The following ERC1 variants were observed in gnomAD, a reference collection of about 807,000 sequenced individuals.
ERC1 encodes RAB6 interacting protein 2.
In ERC1, 56 loss-of-function variants were observed where a neutral mutation model predicts 132.0. The observed-to-expected ratio is 0.42, with a 90% CI of 0.34 to 0.53. The LOEUF is 0.53. Ranked by LOEUF, ERC1 falls within the 20% of genes least tolerant of loss-of-function variation. ERC1 has a pLI of 0.03. For missense variants in ERC1, 1,202 were observed against 1,349.9 expected (o/e 0.89, Z 1.72); for synonymous variants, 478 against 476.1 (o/e 1.00, Z -0.05).
rs35505633 is a variant in ERC1 at position 1,460,958 on chromosome 12, C to CTTTTTTTTTTTTTT, written c.3213+16218_3213+16231dup. The stretch of plus-strand genomic sequence containing the variant: ...GACTTGCCTAAACGATGAGGAGGCC[C>CTTTTTTTTTTTTTT]TTTTTTTTTTTTTTTTTTTTTTTCA... On this transcript the variant is annotated intron_variant, in intron 18 of 18. Transcript: ENST00000360905. Among the ~76,000 whole-genome samples, 302 of 64,956 alleles carry CTTTTTTTTTTTTTT rather than the reference C, an allele frequency of 4.6e-3. 2 individuals carry two copies. Among genetic ancestry groups the CTTTTTTTTTTTTTT allele is most frequent in the Middle Eastern group, 0.019 (1 of 52 alleles). 42.6% of individuals were successfully genotyped at this position (64,956 alleles called of 152,430 possible).
chr12:999,446 C>A (rs929386783), intron 1 of ERC1, among the ~76,000 whole-genome samples: 7 of 152,086 alleles, frequency 4.6e-5, no homozygotes, highest in African/African-American at 1.4e-4. Flanking sequence ...GTGCTTAAGC[C>A]GGAAATGTGT....
intron 18 of ERC1, among the ~76,000 whole-genome samples, chr12:1,457,124 A>G (rs1404402176): frequency 6.6e-6 from 1 of 152,184 alleles, no homozygotes. Flanking sequence ...GTACAGTCAC[A>G]TGCTGTACAG....
intron 17 of ERC1, among the ~76,000 whole-genome samples, chr12:1,434,074 C>T (rs1354746574): frequency 2.0e-5 from 3 of 151,704 alleles, no homozygotes; most frequent in Non-Finnish European, 4.4e-5. Flanking sequence ...GCAGAAAAGG[C>T]ATGTTCTGCT....
intron 15 of ERC1, among the ~76,000 whole-genome samples, chr12:1,342,671 C>T (rs566193563): frequency 6.6e-6 from 1 of 152,092 alleles, no homozygotes; most frequent in Middle Eastern, 3.4e-3. Context: ...GAGCGTTGCG[C>T]GTATTCTTAG....
chr12:1,094,734 C>T (rs35032348), intron 3 of ERC1, among the ~76,000 whole-genome samples: 2,963 of 152,232 alleles, frequency 0.019, 80 homozygotes, highest in Non-Finnish European at 0.022. Flanking sequence ...TAAATTACAT[C>T]ATTTGTCCTT....
chr12:1,405,574 G>T (rs1407614281), intron 16 of ERC1, among the ~76,000 whole-genome samples: 2 of 151,956 alleles, frequency 1.3e-5, no homozygotes, highest in Non-Finnish European at 2.9e-5. Context: ...GTGGTGGCAG[G>T]CGCCTGTAAT....
intron 7 of ERC1, among the ~76,000 whole-genome samples, chr12:1,134,362 A>G (rs975111686): frequency 3.6e-5 from 5 of 139,138 alleles, no homozygotes; most frequent in Non-Finnish European, 7.9e-5. Context: ...TTTTTTTTTT[A>G]AAGATACAGT....
chr12:1,416,917 A>T (rs1386999366), intron 17 of ERC1, among the ~76,000 whole-genome samples: 1 of 152,126 alleles, frequency 6.6e-6, no homozygotes, highest in East Asian at 1.9e-4. Context: ...GACCACTTAT[A>T]GCATTAATAC....
chr12:1,440,492 C>T (rs12303454), intron 17 of ERC1, among the ~76,000 whole-genome samples: 23,087 of 143,818 alleles, frequency 0.16, 3,116 homozygotes, highest in African/African-American at 0.35. Flanking sequence ...AGGTGTGAGC[C>T]ACCGCGCCCG....
At chr12:1,025,113 G>A (rs1327984764) in intron 1 of ERC1, among the ~76,000 whole-genome samples, 1 of 152,136 alleles carries the variant, frequency 6.6e-6, no homozygotes, top group Admixed American at 6.5e-5. Flanking sequence ...ACTGGAGCCA[G>A]TCCCCAGCAG....
At chr12:1,404,728 C>A (rs900438189) in intron 16 of ERC1, among the ~76,000 whole-genome samples, 2 of 152,176 alleles carry the variant, frequency 1.3e-5, no homozygotes, top group African/African-American at 4.8e-5. Context: ...ATAGTACCCT[C>A]AGGCCTTTTT....
chr12:1,490,385 A>G lies in ERC1; in HGVS notation c.*155A>G, dbSNP rs2094306959. On this transcript the variant is annotated 3_prime_UTR_variant, in exon 19 of 19. Coordinates refer to ENST00000360905, the MANE Select transcript of ERC1 (RefSeq NM_178040.4). ...AGTGTGATTCCAGCACCGTTTCTACATCTGCCATCTTACTCTGCCTTTCTG... is the reference window on the plus strand; with the variant it reads ...AGTGTGATTCCAGCACCGTTTCTACGTCTGCCATCTTACTCTGCCTTTCTG... 3 of 689,336 alleles carry G rather than the reference A, an allele frequency of 4.4e-6. No homozygotes were observed. In the Admixed American group the frequency reaches 8.5e-5, roughly 20 times the overall value. The allele number at this position is 689,336 out of a possible 1,614,324, so 42.7% of individuals were successfully genotyped here.
At chr12:1,398,930 CTTTTTTTTTTTTT>C (rs1162145460) in intron 16 of ERC1, among the ~76,000 whole-genome samples, 1 of 93,902 alleles carries the variant, frequency 1.1e-5, no homozygotes, top group Non-Finnish European at 2.1e-5. Flanking sequence ...TTTTCTCCTA[CTTTTTTTTTTTTT>C]TTTTTTTTTT....
Position 1,394,046 on chromosome 12 carries a change from C to CAAAA in ERC1, c.2926-14102_2926-14101insAAAA, listed in dbSNP as rs1555389413. On this transcript the variant is annotated intron_variant, in intron 16 of 18. Transcript: ENST00000360905. The stretch of plus-strand genomic sequence containing the variant: ...AAAAAAAAAAAAACAAAAAAAAAAC[C>CAAAA]ACAAAGCATTAAGCAATTTAATTTC... Among the ~76,000 whole-genome samples the CAAAA allele has an allele frequency of 2.2e-3, 157 of 70,804 alleles. 9 individuals are homozygous for CAAAA. Among genetic ancestry groups the CAAAA allele is most frequent in the African/African-American group, 4.3e-3 (85 of 19,984 alleles). The allele number at this position is 70,804 out of a possible 152,430, so 46.5% of individuals were successfully genotyped here.
intron 8 of ERC1, among the ~76,000 whole-genome samples, chr12:1,149,048 T>C (rs1207950851): frequency 6.6e-6 from 1 of 152,188 alleles, no homozygotes; most frequent in African/African-American, 2.4e-5. Flanking sequence ...CATTGTTGGC[T>C]GATAAAATAG....
intron 12 of ERC1, 54 bp from the exon 13 acceptor site, chr12:1,236,715 A>G: frequency 6.5e-7 from 1 of 1,547,734 alleles, no homozygotes; most frequent in South Asian, 1.2e-5. Flanking sequence ...AGATAAACAT[A>G]TTTGTTTCTA....
At chr12:1,140,737 T>C (rs1949785303) in intron 7 of ERC1, among the ~76,000 whole-genome samples, 1 of 152,202 alleles carries the variant, frequency 6.6e-6, no homozygotes, top group South Asian at 2.1e-4. Context: ...CACCAGCCAT[T>C]TGTGGCTATT....
At chr12:1,313,039 G>A (rs2081422740) in intron 15 of ERC1, among the ~76,000 whole-genome samples, 1 of 151,992 alleles carries the variant, frequency 6.6e-6, no homozygotes, top group Admixed American at 6.6e-5. Context: ...AATAGAATAA[G>A]GGTTTATTCT....
rs73602002 is a variant in ERC1, at chr12:1,493,121, C to T, written c.*2891C>T. On this transcript the variant is annotated 3_prime_UTR_variant, in exon 19 of 19. Transcript: ENST00000360905. ...CTGAAGAAGCCCAGTGTGAGCTTCT[C>T]ATCTTTTCATATACCTCTAACCCCC... The T allele has an allele frequency of 0.012, 2,547 of 216,856 alleles. 63 individuals carry two copies. The highest frequency in any genetic ancestry group is 0.053 in the African/African-American group (2,358 of 44,462). 13.4% of individuals were successfully genotyped at this position (216,856 alleles called of 1,614,324 possible). A position where few individuals can be genotyped will look rare whatever the true frequency, so the allele number is the denominator to read the frequency against.
Sources: gnomAD v4.1 joint callset for allele counts (sites outside exome capture counted in the v4.1 genomes callset) on GRCh38, gnomAD v4.1.1 for gene constraint, MANE v1.5 for transcripts, NCBI Gene and HGNC (gene_info 2026-07-23, HGNC 2026-07-21) for gene names.